The following DAGLA variants were observed in gnomAD, a reference collection of about 807,000 sequenced individuals.
DAGLA encodes the protein diacylglycerol lipase alpha.
DAGLA carries 22 observed loss-of-function variants against 102.6 expected under a neutral mutation model. That is an observed-to-expected ratio of 0.21 (90% confidence interval 0.15 to 0.31). The LOEUF (loss-of-function observed/expected upper bound fraction) is 0.31. DAGLA is among the 10% of genes least tolerant of loss of function. DAGLA has a pLI of 1.00. For missense variants in DAGLA, 927 were observed against 1,446.6 expected, an observed-to-expected ratio of 0.64 and a Z score of 5.83; for synonymous variants, 578 against 628.9, an observed-to-expected ratio of 0.92 and a Z score of 1.21.
At chr11:61,685,036 A>G (rs958012432) in intron 1 of DAGLA, among the ~76,000 whole-genome samples, 1 of 152,064 alleles carries the variant, frequency 6.6e-6, no homozygotes, top group Non-Finnish European at 1.5e-5. Context: ...GGCGTCTCAC[A>G]CGCCTGCTTC....
At chr11:61,733,504 C>T (rs1449098793) in intron 9 of DAGLA, among the ~76,000 whole-genome samples, 1 of 152,226 alleles carries the variant, frequency 6.6e-6, no homozygotes, top group African/African-American at 2.4e-5. Context: ...CACCAGAATC[C>T]AAGCTTCTTA....
At chr11:61,695,289 CTCTG>C (rs72315101) in intron 1 of DAGLA, among the ~76,000 whole-genome samples, 25,285 of 152,142 alleles carry the variant, frequency 0.17, 2,296 homozygotes, top group East Asian at 0.27. Context: ...AGGAAGCTTT[CTCTG>C]TCTGCCTGGG....
chr11:61,697,543 C>T (rs1185724371), intron 1 of DAGLA, among the ~76,000 whole-genome samples: 1 of 152,180 alleles, frequency 6.6e-6, no homozygotes, highest in Non-Finnish European at 1.5e-5. Context: ...GTTCTGCTCC[C>T]AGCCTGCTGC....
intron 1 of DAGLA, among the ~76,000 whole-genome samples, chr11:61,708,832 C>T (rs1456174401): frequency 6.6e-6 from 1 of 152,204 alleles, no homozygotes. Flanking sequence ...TAAATCAAGG[C>T]ACTGGGACCA....
chr11:61,714,147 T>C (rs949934030), intron 1 of DAGLA, among the ~76,000 whole-genome samples: 3 of 152,182 alleles, frequency 2.0e-5, no homozygotes, highest in Non-Finnish European at 2.9e-5. Flanking sequence ...CTCACATGTG[T>C]GCAATGGACT....
chr11:61,740,522 A>G lies in DAGLA; in HGVS notation c.1913A>G (p.Asn638Ser), dbSNP rs757582392. 3.9e-5 allele frequency: 63 copies of G among 1,613,750 alleles called. No individual in the cohort carries two copies. Among genetic ancestry groups the G allele is most frequent in the Non-Finnish European group, 5.1e-5 (60 of 1,179,974 alleles). The change falls in exon 18 of 20, where the codon AAT becomes AGT. Residue 638 changes from asparagine (N) to serine (S), a missense_variant. Around this residue, in one of 4 missense-constraint regions of DAGLA, gnomAD observed 218 missense variants for 459.6 expected, o/e 0.47. Transcript: ENST00000257215. ...FAIWGDNKAF[N>S]EVIISPAMLH... is the part of the protein sequence containing the mutation. ...ATCTGGGGCGACAACAAGGCCTTCA[A>G]TGAGGTGATCATCTCGCCAGCCATG...
chr11:61,732,750 GC>G (rs1054856864), intron 9 of DAGLA, among the ~76,000 whole-genome samples: 2 of 152,164 alleles, frequency 1.3e-5, no homozygotes, highest in African/African-American at 4.8e-5. Flanking sequence ...CAGGCCTGCA[GC>G]CCAGGGTGTT....
chr11:61,693,692 G>C (rs932823461), intron 1 of DAGLA, among the ~76,000 whole-genome samples: 1 of 152,188 alleles, frequency 6.6e-6, no homozygotes, highest in Admixed American at 6.5e-5. Context: ...GTCTGGTCTG[G>C]GGTCCCCGGT....
Position 61,744,119 on chromosome 11 carries a change from T to C in DAGLA, c.2759T>C (p.Leu920Pro). Residue 920 changes from leucine (L) to proline (P), a missense_variant, in exon 20 of 20, where the codon CTC becomes CCC. Around this residue, in one of 4 missense-constraint regions of DAGLA, gnomAD observed 434 missense variants for 503.3 expected, o/e 0.86. Coordinates refer to ENST00000257215, the MANE Select transcript of DAGLA (RefSeq NM_006133.3). ...VLEFAEFIDSLFNLDSKSSSF... is the reference protein window; with the variant it reads ...VLEFAEFIDSPFNLDSKSSSF... ...GAATTCGCCGAGTTCATCGACAGCC[T>C]CTTCAACCTGGACAGCAAGAGCAGC... 6.2e-7 allele frequency: 1 copy of C among 1,612,982 alleles called. No homozygotes were observed. Among genetic ancestry groups the C allele is most frequent in the Non-Finnish European group, 8.5e-7 (1 of 1,179,976 alleles).
chr11:61,699,155 T>C (rs969015358), intron 1 of DAGLA, among the ~76,000 whole-genome samples: 1 of 152,030 alleles, frequency 6.6e-6, no homozygotes, highest in African/African-American at 2.4e-5. Flanking sequence ...CTTTCTCAGT[T>C]GGGGGGAATT....
chr11:61,724,421 T>C (rs2065307754), intron 5 of DAGLA, among the ~76,000 whole-genome samples: 2 of 152,208 alleles, frequency 1.3e-5, no homozygotes, highest in African/African-American at 2.4e-5. Context: ...AGATCCATTC[T>C]ACAGATGAGG....
chr11:61,698,428 T>G (rs889833954), intron 1 of DAGLA, among the ~76,000 whole-genome samples: 1 of 152,204 alleles, frequency 6.6e-6, no homozygotes, highest in African/African-American at 2.4e-5. Flanking sequence ...GCACTTCCCT[T>G]TCCTTTGCTC....
At chr11:61,711,314 T>A (rs1304373472) in intron 1 of DAGLA, among the ~76,000 whole-genome samples, 1 of 152,128 alleles carries the variant, frequency 6.6e-6, no homozygotes, top group Non-Finnish European at 1.5e-5. Context: ...TCTGGGCCTC[T>A]CCAGAGGGGA....
In DAGLA at chr11:61,692,960, ATAGTTTTCC is replaced by A. The variant is rs563116908; in HGVS notation, c.-45+12460_-45+12468del. On this transcript the variant is annotated intron_variant, in intron 1 of 19. Transcript: ENST00000257215. ...AAGACTAGAAGGATGTTAATAGTTG[ATAGTTTTCC>A]TAGAGGGATCATGGGTGATTTATAT... Among the ~76,000 whole-genome samples, 312 of 151,336 alleles carry A rather than the reference ATAGTTTTCC, an allele frequency of 2.1e-3. 6 individuals are homozygous for A. The South Asian group carries it at 0.03, about 15-fold the overall frequency.
rs1434204264 is a variant in DAGLA at position 61,728,293 on chromosome 11, C to T, written c.771+6C>T. On this transcript the variant is annotated splice_donor_region_variant and intron_variant, in intron 7 of 19. Transcript: ENST00000257215. Reference sequence around the variant, plus strand: ...GCAACGCCGTGCTGGACGAGGTGAGCACCACCAGCCCCTTCTCCAGGTCAC... The same window carrying T: ...GCAACGCCGTGCTGGACGAGGTGAGTACCACCAGCCCCTTCTCCAGGTCAC... 2.5e-6 allele frequency: 4 copies of T among 1,608,564 alleles called. No homozygotes were observed. In the Admixed American group the frequency reaches 5.0e-5, roughly 20 times the overall value.
At chr11:61,704,597 G>T (rs2065134899) in intron 1 of DAGLA, among the ~76,000 whole-genome samples, 1 of 152,196 alleles carries the variant, frequency 6.6e-6, no homozygotes, top group African/African-American at 2.4e-5. Flanking sequence ...GTGGGGAAGA[G>T]AATTCTAGTT....
At chr11:61,700,195 TG>T in intron 1 of DAGLA, among the ~76,000 whole-genome samples, 1 of 152,270 alleles carries the variant, frequency 6.6e-6, no homozygotes, top group East Asian at 1.9e-4. Flanking sequence ...TCCTGGGTTG[TG>T]GGGGTGACGG....
Position 61,743,576 on chromosome 11 carries a change from G to C in DAGLA, c.2216G>C (p.Gly739Ala), listed in dbSNP as rs777763664. ...ATGAGCCTGGAGGGCTTCTCGGAGG[G>C]GCGGCTGCTGTCGCCAGTGGTTGCG... is the stretch of plus-strand genomic sequence containing the variant. ...SEMSLEGFSE[G>A]RLLSPVVAAA... is the part of the protein sequence containing the mutation. The change falls in exon 20 of 20, where the codon GGG becomes GCG. Residue 739 changes from glycine (G) to alanine (A), a missense_variant. Gly to Ala is a moderately conservative substitution (Grantham distance 60, BLOSUM62 0). Around this residue, in one of 4 missense-constraint regions of DAGLA, gnomAD observed 434 missense variants for 503.3 expected, o/e 0.86. Transcript: ENST00000257215. 4 of 1,553,826 alleles carry C rather than the reference G, an allele frequency of 2.6e-6. No homozygotes were observed. The African/African-American group carries it at 5.5e-5, about 21-fold the overall frequency.
In DAGLA at chr11:61,744,009, C is replaced by A; in HGVS notation, c.2649C>A (p.Gly883=). Residue 883 remains glycine (G), a synonymous_variant, in exon 20 of 20, where the codon GGC becomes GGA. Coordinates refer to ENST00000257215, the MANE Select transcript of DAGLA (RefSeq NM_006133.3). The part of the protein sequence containing the change: ...AAANDEEEEV[G]GGGGGPASRG... ...CCAATGACGAGGAGGAAGAGGTTGG[C>A]GGTGGGGGTGGCGGGCCGGCCTCCC... is the stretch of plus-strand genomic sequence containing the variant. 6.2e-7 allele frequency: 1 copy of A among 1,611,932 alleles called. No individual in the cohort carries two copies. Among genetic ancestry groups the A allele is most frequent in the Non-Finnish European group, 8.5e-7 (1 of 1,179,634 alleles).
Sources: gnomAD v4.1 joint callset for allele counts (sites outside exome capture counted in the v4.1 genomes callset) on GRCh38, gnomAD v4.1.1 for gene constraint, gnomAD v4.1.1 regional missense constraint, MANE v1.5 for transcripts, NCBI Gene and HGNC (gene_info 2026-07-23, HGNC 2026-07-21) for gene names.